The following PAN2 variants were observed in gnomAD, a reference collection of about 807,000 sequenced individuals.
PAN2 encodes PAN2-PAN3 deadenylation complex catalytic subunit PAN2.
In PAN2, 68 loss-of-function variants were observed where a neutral mutation model predicts 133.3. The observed-to-expected ratio is 0.51, with a 90% CI of 0.42 to 0.62. The LOEUF is 0.62. PAN2 is among the 20% of genes least tolerant of loss of function. PAN2 has a pLI of 0.00. For synonymous variants in PAN2, 462 were observed against 544.6 expected (o/e 0.85, Z 2.11); for missense variants, 1,042 against 1,500.5 (o/e 0.69, Z 5.05).
chr12:56,333,067 G>A lies in PAN2; in HGVS notation c.28C>T (p.Leu10=). MNFEGLDPG[L]AEYAPAMHSA... is the part of the protein sequence containing the mutation. Reference sequence around the variant, plus strand: ...TGCATGGCTGGGGCATATTCTGCCAGTCCAGGGTCCAGACCCTCAAAGTTC... The same window carrying A: ...TGCATGGCTGGGGCATATTCTGCCAATCCAGGGTCCAGACCCTCAAAGTTC... The change falls in exon 2 of 26, where the codon CTG becomes TTG. Residue 10 remains leucine (L), a synonymous_variant. Coordinates refer to ENST00000440411, the MANE Select transcript of PAN2 (RefSeq NM_014871.6). 6.2e-7 allele frequency: 1 copy of A among 1,614,086 alleles called. No homozygotes were observed. Among genetic ancestry groups the A allele is most frequent in the South Asian group, 1.1e-5 (1 of 91,080 alleles).
Position 56,333,163 on chromosome 12 carries a change from AC to A in PAN2, c.-70del. On this transcript the variant is annotated 5_prime_UTR_variant, in exon 2 of 26. Transcript: ENST00000440411. ...ACAGTCCCTTTAGATGCCTGACCCA[AC>A]CTTCAGCAAGACAGCACCGATGGGC... 6.6e-7 allele frequency: 1 copy of A among 1,524,542 alleles called. No individual in the cohort carries two copies. The highest frequency in any genetic ancestry group is 9.0e-7 in the Non-Finnish European group (1 of 1,109,760). 94.4% of individuals were successfully genotyped at this position (1,524,542 alleles called of 1,614,324 possible).
rs1204670671 is a variant in PAN2, at chr12:56,332,798, G to C, written c.282+15C>G. The stretch of plus-strand genomic sequence containing the variant: ...TCAACATCTTTCAACCCTCACAAAG[G>C]GGTACAGTTCTTACCCCGTGGCTCC... On this transcript the variant is annotated intron_variant, in intron 2 of 25. Coordinates refer to ENST00000440411, the MANE Select transcript of PAN2 (RefSeq NM_014871.6). 1.4e-5 allele frequency: 22 copies of C among 1,611,078 alleles called. No individual in the cohort carries two copies. The highest frequency in any genetic ancestry group is 1.7e-5 in the Non-Finnish European group (20 of 1,177,650).
chr12:56,323,098 C>T lies in PAN2; in HGVS notation c.2457G>A (p.Leu819=), dbSNP rs1874743416. 3 of 1,614,138 alleles carry T rather than the reference C, an allele frequency of 1.9e-6. No individual in the cohort carries two copies. The highest frequency in any genetic ancestry group is 1.7e-6 in the Non-Finnish European group (2 of 1,180,034). The part of the protein sequence containing the change: ...IRMKMTKNKG[L]DVCNWTDGDE... ...CCCCATCAGTCCAATTGCAAACATC[C>T]AGCCCTTTGTTTTTGGTCATCTTCA... Residue 819 remains leucine, a synonymous_variant, in exon 17 of 26, where the codon CTG becomes CTA. Transcript: ENST00000440411.
Position 56,319,901 on chromosome 12 carries a change from A to T in PAN2, c.2909T>A (p.Leu970Gln). The T allele has an allele frequency of 6.2e-7, 1 of 1,614,250 alleles. No homozygotes were observed. The highest frequency in any genetic ancestry group is 8.5e-7 in the Non-Finnish European group (1 of 1,180,046). The change falls in exon 21 of 26, where the codon CTG (leucine) becomes CAG (glutamine). Residue 970 changes from leucine (L) to glutamine (Q), a missense_variant. This residue lies in a region of PAN2 where 908 missense variants were observed against 1,223.5 expected (regional missense o/e 0.74). Transcript: ENST00000440411. This position sits in a 1 kb window ranked among gnomAD's most constrained non-coding sequence, Gnocchi z 5.4. ...MLNEMPQIGD[L>Q]VGLDAEFVTL... ...GACAAACTCAGCATCCAGACCCACC[A>T]GGTCCCCAATCTGTGGCATCTCATT...
chr12:56,331,663 C>T (rs886225763), intron 2 of PAN2, among the ~76,000 whole-genome samples: 5 of 151,416 alleles, frequency 3.3e-5, no homozygotes, highest in Admixed American at 2.0e-4. Flanking sequence ...AAAAACAATT[C>T]ATGACCAAAG....
chr12:56,323,023 C>G, intron 17 of PAN2, 39 bp downstream of exon 17: 2 of 1,612,084 alleles, frequency 1.2e-6, no homozygotes, highest in South Asian at 2.2e-5. Flanking sequence ...CCCACCTTCT[C>G]TCCCTTATTC....
rs753093063 is a variant in PAN2 at position 56,322,215 on chromosome 12, C to T, written c.2698-47G>A. The stretch of plus-strand genomic sequence containing the variant: ...TATGGCTAATGTATATCACCCTTTT[C>T]CTTTTCCCCCACTTCAGACGGAGGC... On this transcript the variant is annotated intron_variant, in intron 19 of 25. Transcript: ENST00000440411. 7.8e-6 allele frequency: 10 copies of T among 1,285,812 alleles called. No individual in the cohort carries two copies. The South Asian group carries it at 1.1e-4, about 14-fold the overall frequency. The allele number at this position is 1,285,812 out of a possible 1,614,324, so 79.7% of individuals were successfully genotyped here. A position where few individuals can be genotyped will look rare whatever the true frequency, so the allele number is the denominator to read the frequency against.
Position 56,318,439 on chromosome 12 carries a change from GGTAA to G in PAN2, c.3365-9_3365-6del. 6.2e-7 allele frequency: 1 copy of G among 1,611,260 alleles called. No homozygotes were observed. Among genetic ancestry groups the G allele is most frequent in the East Asian group, 2.2e-5 (1 of 44,864 alleles). Reference sequence around the variant, plus strand: ...TTTCCCCTTGAATCTTCAGGTCTGGGGTAAGTAAAGGTGGAATAGTTTGGGACCC... The same window carrying G: ...TTTCCCCTTGAATCTTCAGGTCTGGGGTAAAGGTGGAATAGTTTGGGACCC... On this transcript the variant is annotated splice_region_variant and splice_polypyrimidine_tract_variant and intron_variant, in intron 24 of 25. Coordinates refer to ENST00000440411, the MANE Select transcript of PAN2 (RefSeq NM_014871.6).
chr12:56,326,640 A>C lies in PAN2; in HGVS notation c.1239T>G (p.Ala413=). The C allele has an allele frequency of 6.2e-7, 1 of 1,613,472 alleles. No homozygotes were observed. The highest frequency in any genetic ancestry group is 8.5e-7 in the Non-Finnish European group (1 of 1,179,516). The change falls in exon 7 of 26, where the codon GCT becomes GCG. Residue 413 remains alanine (A), a synonymous_variant. Transcript: ENST00000440411. The part of the protein sequence containing the change: ...TTDTLLSDWP[A]ANSAPAPRRA... ...ACCTGGGAGCTGGAGCAGAGTTGGC[A>C]GCAGGCCAATCAGAGAGAAGTGTGT...
Position 56,324,171 on chromosome 12 carries a change from G to T in PAN2, c.1943C>A (p.Ser648Ter). The T allele has an allele frequency of 1.9e-6, 3 of 1,613,936 alleles. No homozygotes were observed. The highest frequency in any genetic ancestry group is 2.5e-6 in the Non-Finnish European group (3 of 1,180,026). The stretch of plus-strand genomic sequence containing the variant: ...GAGCTGCCCAATAACAGAGTCCCCC[G>T]ATGAGCAAAAGCTGCTAAGAGTGGA... ...RGAGGSSFCS[S>*]GDSVIGQLFS... is the part of the protein sequence containing the mutation. The change falls in exon 13 of 26, where the codon TCG becomes TAG. Residue 648 changes from serine to a stop codon, truncating the protein, a stop_gained. Coordinates refer to ENST00000440411, the MANE Select transcript of PAN2 (RefSeq NM_014871.6). LOFTEE classifies it high-confidence loss of function.
At chr12:56,322,847 G>A (rs1464946583) in intron 17 of PAN2, 89 bp from the exon 18 acceptor site, 2 of 1,347,448 alleles carry the variant, frequency 1.5e-6, no homozygotes, top group Non-Finnish European at 1.0e-6. Context: ...TTGGGGGTAT[G>A]GGGGATGGGG....
At chr12:56,321,051 T>TG (rs1419898176) in intron 20 of PAN2, among the ~76,000 whole-genome samples, 2 of 139,128 alleles carry the variant, frequency 1.4e-5, no homozygotes, top group African/African-American at 5.4e-5. Flanking sequence ...GTGACAAGAG[T>TG]GAAACTCTGT....
chr12:56,333,352 A>T, intron 1 of PAN2, 144 bp from the exon 2 acceptor site: 4 of 487,732 alleles, frequency 8.2e-6, no homozygotes, highest in East Asian at 3.6e-5. Flanking sequence ...CGGGGGAGGG[A>T]TGGGCAGTGG....
chr12:56,320,398 G>C (rs1238998161), intron 20 of PAN2, among the ~76,000 whole-genome samples: 3 of 152,056 alleles, frequency 2.0e-5, no homozygotes, highest in Non-Finnish European at 4.4e-5. Flanking sequence ...AGCACTTTGG[G>C]AGGCCGAGGC....
chr12:56,332,485 C>G (rs562534975), intron 2 of PAN2, among the ~76,000 whole-genome samples: 2 of 151,308 alleles, frequency 1.3e-5, no homozygotes, highest in African/African-American at 4.9e-5. Context: ...GTCCCAGCTA[C>G]TTGAGATGCT....
intron 10 of PAN2, 62 bp from the exon 11 acceptor site, chr12:56,324,771 A>T: frequency 6.4e-7 from 1 of 1,555,740 alleles, no homozygotes; most frequent in Non-Finnish European, 8.7e-7. Context: ...AGAAATATGG[A>T]GGTTAAGTGA....
intron 6 of PAN2, among the ~76,000 whole-genome samples, 183 bp downstream of exon 6, chr12:56,327,181 A>G (rs1370675099): frequency 6.6e-6 from 1 of 152,120 alleles, no homozygotes; most frequent in East Asian, 1.9e-4. Flanking sequence ...ACCTTTTTCC[A>G]TGTTCCTCAT....
rs890118567 is a variant in PAN2, at chr12:56,317,496, A to G, written c.*113T>C. 6.1e-6 allele frequency: 5 copies of G among 822,690 alleles called. No individual in the cohort carries two copies. The allele number at this position is 822,690 out of a possible 1,614,324, so 51.0% of individuals were successfully genotyped here. On this transcript the variant is annotated 3_prime_UTR_variant, in exon 26 of 26. Coordinates refer to ENST00000440411, the MANE Select transcript of PAN2 (RefSeq NM_014871.6). ...GCACCATCTGTGACCCTAGACCCTGAGCACGTCCAGTACTGGAAGTGGACA... is the reference window on the plus strand; with the variant it reads ...GCACCATCTGTGACCCTAGACCCTGGGCACGTCCAGTACTGGAAGTGGACA...
chr12:56,328,539 T>C lies in PAN2; in HGVS notation c.385A>G (p.Ile129Val). The change falls in exon 3 of 26, where the codon ATC becomes GTC. Residue 129 changes from isoleucine to valine, a missense_variant. This residue lies in a region of PAN2 where 908 missense variants were observed against 1,223.5 expected (regional missense o/e 0.74). Transcript: ENST00000440411. ...IRQIQSLENG[I>V]LFLTKNNLKY... is the part of the protein sequence containing the mutation. ...AGGTTGTTCTTGGTGAGAAAAAGGATACCATTCTCCAGGCTCTGGATCTGC... is the reference window on the plus strand; with the variant it reads ...AGGTTGTTCTTGGTGAGAAAAAGGACACCATTCTCCAGGCTCTGGATCTGC... 6.2e-7 allele frequency: 1 copy of C among 1,614,218 alleles called. No individual in the cohort carries two copies. The highest frequency in any genetic ancestry group is 8.5e-7 in the Non-Finnish European group (1 of 1,180,010).
Sources: gnomAD v4.1 joint callset for allele counts (sites outside exome capture counted in the v4.1 genomes callset) on GRCh38, gnomAD v4.1.1 for gene constraint, gnomAD v4.1.1 regional missense constraint, Gnocchi (gnomAD v3.1) non-coding constraint, MANE v1.5 for transcripts, NCBI Gene and HGNC (gene_info 2026-07-23, HGNC 2026-07-21) for gene names.